Variants in GRIK5 observed in about 807,000 individuals in gnomAD.
The protein encoded by GRIK5 is glutamate ionotropic receptor kainate type subunit 5, also known as glutamate receptor ionotropic, kainate 5.
A neutral mutation model predicts 97.4 loss-of-function variants in GRIK5; 43 were observed. That is an observed-to-expected ratio of 0.44 (90% confidence interval 0.35 to 0.57). The LOEUF (loss-of-function observed/expected upper bound fraction) is 0.57. GRIK5 is among the 20% of genes least tolerant of loss of function. The pLI, the probability that GRIK5 is intolerant of heterozygous loss-of-function variation, is 0.01. For synonymous variants in GRIK5, 580 were observed against 583.5 expected, an observed-to-expected ratio of 0.99 and a Z score of 0.09; for missense variants, 1,015 against 1,382.0, an observed-to-expected ratio of 0.73 and a Z score of 4.21.
chr19:42,059,647 G>T, intron 5 of GRIK5, 120 bp from the exon 6 acceptor site: 1 of 793,180 alleles, frequency 1.3e-6, no homozygotes, highest in Non-Finnish European at 2.0e-6. Context: ...GCAAGGACAT[G>T]GGGCAGCTGG....
At chr19:42,066,570 A>T (rs1167233257) in intron 1 of GRIK5, among the ~76,000 whole-genome samples, 2 of 152,026 alleles carry the variant, frequency 1.3e-5, no homozygotes, top group African/African-American at 4.8e-5. Context: ...AAAGAGAGAA[A>T]GGTCAAAATA....
chr19:42,007,880 A>G (rs1480450820), intron 15 of GRIK5, among the ~76,000 whole-genome samples: 2 of 152,198 alleles, frequency 1.3e-5, no homozygotes, highest in Admixed American at 1.3e-4. Flanking sequence ...TAGCCCTAGA[A>G]TAAAGGCAAT....
chr19:42,022,138 G>T lies in GRIK5; in HGVS notation c.1588-82C>A. ...CCCCTGCCCTACCAGGGACCTGGGAGCCTGACCGGCCCATCTGAGGTCCTG... is the reference window on the plus strand; with the variant it reads ...CCCCTGCCCTACCAGGGACCTGGGATCCTGACCGGCCCATCTGAGGTCCTG... On this transcript the variant is annotated intron_variant, in intron 13 of 19. Transcript: ENST00000593562. This position sits in a 1 kb window ranked among gnomAD's most constrained non-coding sequence, Gnocchi z 4.2. 3.6e-6 allele frequency: 5 copies of T among 1,385,570 alleles called. No individual in the cohort carries two copies. The highest frequency in any genetic ancestry group is 5.1e-6 in the Non-Finnish European group (5 of 985,250). 85.8% of individuals were successfully genotyped at this position (1,385,570 alleles called of 1,614,324 possible). A position where few individuals can be genotyped will look rare whatever the true frequency, so the allele number is the denominator to read the frequency against.
intron 11 of GRIK5, among the ~76,000 whole-genome samples, chr19:42,050,859 T>C (rs1681489069): frequency 6.6e-6 from 1 of 151,072 alleles, no homozygotes. Context: ...CTCAAAGCCA[T>C]GAACCACAAG....
chr19:42,060,710 G>T (rs1333639893), intron 5 of GRIK5, among the ~76,000 whole-genome samples: 1 of 151,474 alleles, frequency 6.6e-6, no homozygotes, highest in African/African-American at 2.4e-5. Context: ...CGGCCTTCAC[G>T]CTGGCTGTTC....
intron 12 of GRIK5, among the ~76,000 whole-genome samples, chr19:42,037,294 C>T (rs1172266774): frequency 3.9e-5 from 6 of 152,060 alleles, no homozygotes; most frequent in African/African-American, 1.4e-4. Context: ...ACCCCGTCTC[C>T]ACTAAAAATA....
chr19:42,035,957 ATTG>A (rs2075898920), intron 12 of GRIK5, among the ~76,000 whole-genome samples: 1 of 152,226 alleles, frequency 6.6e-6, no homozygotes, highest in African/African-American at 2.4e-5. Context: ...TATACTTGCT[ATTG>A]TTGTGCAAAA....
intron 12 of GRIK5, among the ~76,000 whole-genome samples, chr19:42,029,544 C>T (rs2146074613): frequency 6.6e-6 from 1 of 152,246 alleles, no homozygotes; most frequent in South Asian, 2.1e-4. Flanking sequence ...CGCCACTGCA[C>T]TCCAGCCTGG....
intron 12 of GRIK5, among the ~76,000 whole-genome samples, chr19:42,041,077 G>A (rs1473903720): frequency 6.6e-6 from 1 of 152,048 alleles, no homozygotes; most frequent in Non-Finnish European, 1.5e-5. Context: ...GAGGGAGTTT[G>A]CAATTGGAAA....
rs1177172721 is a variant in GRIK5, at chr19:42,022,507, A to T, written c.1474-153T>A. The T allele has an allele frequency of 2.0e-6, 2 of 985,130 alleles. No homozygotes were observed. The allele number at this position is 985,130 out of a possible 1,614,324, so 61.0% of individuals were successfully genotyped here. A position where few individuals can be genotyped will look rare whatever the true frequency, so the allele number is the denominator to read the frequency against. ...GGGGCCAGGAGCATGGACTGACTCC[A>T]GGAGCCCACCTTGGGCCTGAAATCG... On this transcript the variant is annotated intron_variant, in intron 12 of 19. Transcript: ENST00000593562. The surrounding 1 kb of genome is among the most constrained non-coding windows in gnomAD (Gnocchi z 4.2).
chr19:42,028,502 C>T (rs555868753), intron 12 of GRIK5, among the ~76,000 whole-genome samples: 144 of 152,386 alleles, frequency 9.4e-4, no homozygotes, highest in African/African-American at 3.4e-3. Flanking sequence ...TTCTGCCCCT[C>T]CTGGCAGCAT....
chr19:42,002,379 C>T lies in GRIK5; in HGVS notation c.2514+953G>A, dbSNP rs782413238. On this transcript the variant is annotated intron_variant, in intron 19 of 19. Transcript: ENST00000593562. This position sits in a 1 kb window ranked among gnomAD's most constrained non-coding sequence, Gnocchi z 5.2. ...TGGCCTGAATCCAATAAAGAGAGGA[C>T]AACTGATGCTGCAGGAGGAAAGGAC... The T allele has an allele frequency of 8.4e-6, 6 of 717,432 alleles. No individual in the cohort carries two copies. Among genetic ancestry groups the T allele is most frequent in the South Asian group, 7.4e-5 (5 of 67,594 alleles). 44.4% of individuals were successfully genotyped at this position (717,432 alleles called of 1,614,324 possible).
chr19:42,002,052 G>C lies in GRIK5; in HGVS notation c.2514+1280C>G, dbSNP rs2075428026. ...GGGAAGAAGGGGCTTTGAGGATTGA[G>C]AGTGACTGGCTGTGCCGAAGCCCAC... On this transcript the variant is annotated intron_variant, in intron 19 of 19. Coordinates refer to ENST00000593562, the MANE Select transcript of GRIK5 (RefSeq NM_002088.5). The surrounding 1 kb of genome is among the most constrained non-coding windows in gnomAD (Gnocchi z 5.2). The C allele has an allele frequency of 3.0e-6, 2 of 667,526 alleles. No homozygotes were observed. Among genetic ancestry groups the C allele is most frequent in the Non-Finnish European group, 5.5e-6 (2 of 361,550 alleles). The allele number at this position is 667,526 out of a possible 1,614,324, so 41.4% of individuals were successfully genotyped here.
At position 42,065,691 on chromosome 19, in the gene GRIK5, C is replaced by T. The variant is rs1350695343; in HGVS notation, c.79+1G>A. On this transcript the variant is annotated splice_donor_variant, in intron 2 of 19. Coordinates refer to ENST00000593562, the MANE Select transcript of GRIK5 (RefSeq NM_002088.5). LOFTEE classifies it high-confidence loss of function. The surrounding 1 kb of genome is among the most constrained non-coding windows in gnomAD (Gnocchi z 5.8). ...AGGGGCAGGGTGCGGGAGGGCCTCA[C>T]CCATGCGCAGTGATGAGAGCACCTG... 1 of 1,584,122 alleles carries T rather than the reference C, an allele frequency of 6.3e-7. No homozygotes were observed. The highest frequency in any genetic ancestry group is 1.8e-5 in the Admixed American group (1 of 56,306).
intron 12 of GRIK5, among the ~76,000 whole-genome samples, chr19:42,030,284 C>T (rs899850274): frequency 9.2e-5 from 14 of 151,918 alleles, no homozygotes; most frequent in African/African-American, 3.4e-4. Flanking sequence ...TGGGTTCAAG[C>T]GATTCTTGTG....
At chr19:42,011,245 TATA>T (rs2075558171) in intron 15 of GRIK5, among the ~76,000 whole-genome samples, 2 of 151,996 alleles carry the variant, frequency 1.3e-5, no homozygotes, top group Non-Finnish European at 2.9e-5. Context: ...CGTGAAATGG[TATA>T]ATGTTACTTG....
At chr19:42,052,109 T>C (rs1018318555) in intron 11 of GRIK5, among the ~76,000 whole-genome samples, 3 of 152,092 alleles carry the variant, frequency 2.0e-5, no homozygotes, top group Admixed American at 6.6e-5. Flanking sequence ...TTGGTAAATA[T>C]TTATGGAATG....
chr19:42,065,657 T>C lies in GRIK5; in HGVS notation c.79+35A>G, dbSNP rs773217722. 9.6e-5 allele frequency: 145 copies of C among 1,514,558 alleles called. No homozygotes were observed. Among genetic ancestry groups the C allele is most frequent in the Non-Finnish European group, 1.3e-4 (143 of 1,118,146 alleles). The allele number at this position is 1,514,558 out of a possible 1,614,324, so 93.8% of individuals were successfully genotyped here. On this transcript the variant is annotated intron_variant, in intron 2 of 19. Coordinates refer to ENST00000593562, the MANE Select transcript of GRIK5 (RefSeq NM_002088.5). The surrounding 1 kb of genome is among the most constrained non-coding windows in gnomAD (Gnocchi z 5.8). ...GGGTCCCCAGAGGAGCCCCAGGGCC[T>C]GAGGATGCAGGGGCAGGGTGCGGGA...
intron 12 of GRIK5, among the ~76,000 whole-genome samples, chr19:42,033,071 G>A (rs769825396): frequency 1.9e-4 from 29 of 152,212 alleles, no homozygotes; most frequent in Non-Finnish European, 3.5e-4. Flanking sequence ...TGTAATCCCA[G>A]CACTCTGGGA....
Sources: gnomAD v4.1 joint callset for allele counts (sites outside exome capture counted in the v4.1 genomes callset) on GRCh38, gnomAD v4.1.1 for gene constraint, Gnocchi (gnomAD v3.1) non-coding constraint, MANE v1.5 for transcripts, NCBI Gene and HGNC (gene_info 2026-07-23, HGNC 2026-07-21) for gene names.